The following FBXW11 variants were observed in gnomAD, a reference collection of about 807,000 sequenced individuals.
FBXW11 encodes F-box and WD repeat domain containing 11, also known as F-box/WD repeat-containing protein 11.
A neutral mutation model predicts 77.6 loss-of-function variants in FBXW11; 19 were observed. The observed-to-expected ratio is 0.24, with a 90% CI of 0.17 to 0.36. The LOEUF is 0.36. Ranked by LOEUF, FBXW11 falls within the 10% of genes least tolerant of loss-of-function variation. The pLI, the probability that FBXW11 is intolerant of heterozygous loss-of-function variation, is 1.00. For synonymous variants in FBXW11, 235 were observed against 249.4 expected, an observed-to-expected ratio of 0.94 and a Z score of 0.54; for missense variants, 334 against 704.2, an observed-to-expected ratio of 0.47 and a Z score of 5.95.
chr5:171,980,206 G>A (rs922738508), intron 1 of FBXW11, among the ~76,000 whole-genome samples: 8 of 152,272 alleles, frequency 5.3e-5, no homozygotes, highest in African/African-American at 1.9e-4. Flanking sequence ...AATAAATTTT[G>A]CTTTTAAGAG....
intron 7 of FBXW11, among the ~76,000 whole-genome samples, chr5:171,880,441 A>C (rs1319799943): frequency 6.6e-6 from 1 of 152,182 alleles, no homozygotes; most frequent in Non-Finnish European, 1.5e-5. Flanking sequence ...TAAACATTAC[A>C]GTCAGCTGGT....
At chr5:172,005,677 G>C (rs1295098684) in intron 1 of FBXW11, among the ~76,000 whole-genome samples, 1 of 151,844 alleles carries the variant, frequency 6.6e-6, no homozygotes, top group Admixed American at 6.6e-5. Flanking sequence ...TGAGAAGAAA[G>C]ACCTCGCGGC....
intron 1 of FBXW11, chr5:171,977,754 T>G (rs971580114): frequency 2.8e-6 from 1 of 353,222 alleles, no homozygotes; most frequent in African/African-American, 2.2e-5. Context: ...AAACTCCCCT[T>G]TTTAAGAAAG....
chr5:171,933,907 G>A (rs1762346660), intron 2 of FBXW11, among the ~76,000 whole-genome samples: 1 of 151,936 alleles, frequency 6.6e-6, no homozygotes, highest in East Asian at 1.9e-4. Context: ...TAAAAGAAGA[G>A]GCAGGGAGTA....
intron 4 of FBXW11, among the ~76,000 whole-genome samples, chr5:171,909,038 A>C (rs1008400439): frequency 6.6e-6 from 1 of 152,176 alleles, no homozygotes; most frequent in South Asian, 2.1e-4. Flanking sequence ...TCAGAGGAAA[A>C]CATTCTGGCC....
rs1757208948 is a variant in FBXW11, at chr5:171,863,543, G to A, written c.*584C>T. 6.6e-6 allele frequency: 1 copy of A among 152,530 alleles called. No homozygotes were observed. The highest frequency in any genetic ancestry group is 6.5e-5 in the Admixed American group (1 of 15,278). The allele number at this position is 152,530 out of a possible 1,614,324, so 9.4% of individuals were successfully genotyped here. A position where few individuals can be genotyped will look rare whatever the true frequency, so the allele number is the denominator to read the frequency against. On this transcript the variant is annotated 3_prime_UTR_variant, in exon 14 of 14. Coordinates refer to ENST00000517395, the MANE Select transcript of FBXW11 (RefSeq NM_001378974.1). ...TAAAAGAAATTGGTACAGAAAGGAA[G>A]TATAATCCCAAAAATATTACTAAAA... is the stretch of plus-strand genomic sequence containing the variant.
intron 7 of FBXW11, among the ~76,000 whole-genome samples, chr5:171,890,387 G>A (rs1007818740): frequency 6.6e-6 from 1 of 151,678 alleles, no homozygotes; most frequent in Non-Finnish European, 1.5e-5. Flanking sequence ...GCTGGGCGTG[G>A]TGCCACATGC....
chr5:171,976,550 T>C (rs1764838008), intron 1 of FBXW11, among the ~76,000 whole-genome samples: 1 of 152,020 alleles, frequency 6.6e-6, no homozygotes, highest in Non-Finnish European at 1.5e-5. Context: ...ATGGTAAGTG[T>C]TTAGGTCATG....
rs530562044 is a variant in FBXW11, at chr5:171,946,307, A to C, written c.147+11290T>G. On this transcript the variant is annotated intron_variant, in intron 2 of 13. Coordinates refer to ENST00000517395, the MANE Select transcript of FBXW11 (RefSeq NM_001378974.1). ...CCTGACTGACATGCTGATCAATCTT[A>C]GAGTTGGTCTCCCTGCTTCCGCCTC... Among the ~76,000 whole-genome samples, 5 of 152,252 alleles carry C rather than the reference A, an allele frequency of 3.3e-5. No homozygotes were observed. The South Asian group carries it at 1.0e-3, about 32-fold the overall frequency.
At chr5:171,954,433 T>C (rs183580829) in intron 2 of FBXW11, among the ~76,000 whole-genome samples, 3 of 152,288 alleles carry the variant, frequency 2.0e-5, no homozygotes, top group South Asian at 2.1e-4. Context: ...GTCCAACACA[T>C]AGAAAGAACG....
At chr5:171,890,785 C>T (rs748991303) in intron 7 of FBXW11, among the ~76,000 whole-genome samples, 13 of 152,190 alleles carry the variant, frequency 8.5e-5, no homozygotes, top group East Asian at 1.9e-4. Context: ...GGATAAGAAA[C>T]GGGCAGGACA....
At chr5:171,965,087 T>C (rs1329380094) in intron 1 of FBXW11, among the ~76,000 whole-genome samples, 1 of 152,206 alleles carries the variant, frequency 6.6e-6, no homozygotes, top group African/African-American at 2.4e-5. Flanking sequence ...CAAAATTTAC[T>C]ATCTGCCAAG....
intron 1 of FBXW11, among the ~76,000 whole-genome samples, chr5:172,000,085 A>G (rs904930829): frequency 6.6e-6 from 1 of 152,228 alleles, no homozygotes; most frequent in Non-Finnish European, 1.5e-5. Flanking sequence ...AATTGCGATC[A>G]GCAGAAACTA....
chr5:171,912,472 T>C (rs1364161212), intron 3 of FBXW11, among the ~76,000 whole-genome samples: 1 of 152,212 alleles, frequency 6.6e-6, no homozygotes, highest in African/African-American at 2.4e-5. Context: ...GGCATCTAAG[T>C]TGCTTTAAGC....
At chr5:171,952,804 T>A (rs1763415687) in intron 2 of FBXW11, among the ~76,000 whole-genome samples, 1 of 151,984 alleles carries the variant, frequency 6.6e-6, no homozygotes, top group Non-Finnish European at 1.5e-5. Flanking sequence ...AGGACGGCTT[T>A]GAATGAGGCC....
intron 9 of FBXW11, among the ~76,000 whole-genome samples, chr5:171,875,988 T>C (rs1024496819): frequency 6.6e-6 from 1 of 152,182 alleles, no homozygotes; most frequent in African/African-American, 2.4e-5. Flanking sequence ...GAGACCATAA[T>C]GTAAAGCTCC....
intron 2 of FBXW11, among the ~76,000 whole-genome samples, chr5:171,955,180 A>T (rs1460740794): frequency 2.0e-5 from 3 of 152,232 alleles, no homozygotes; most frequent in Non-Finnish European, 4.4e-5. Flanking sequence ...AATTATGCCT[A>T]AGGGCAACTA....
intron 4 of FBXW11, among the ~76,000 whole-genome samples, chr5:171,903,017 GTTAA>G (rs1184663783): frequency 2.0e-5 from 3 of 152,132 alleles, no homozygotes; most frequent in Non-Finnish European, 4.4e-5. Context: ...GCTCCAAATA[GTTAA>G]TTATTTTGTT....
intron 2 of FBXW11, among the ~76,000 whole-genome samples, chr5:171,943,185 A>G (rs1762834862): frequency 6.6e-6 from 1 of 152,238 alleles, no homozygotes; most frequent in South Asian, 2.1e-4. Flanking sequence ...CAGTGTTCAT[A>G]TGCAATCTGT....
Sources: gnomAD v4.1 joint callset for allele counts (sites outside exome capture counted in the v4.1 genomes callset) on GRCh38, gnomAD v4.1.1 for gene constraint, MANE v1.5 for transcripts, NCBI Gene and HGNC (gene_info 2026-07-23, HGNC 2026-07-21) for gene names.